Variants in COL21A1 observed in about 807,000 individuals in gnomAD.
COL21A1 encodes collagen type XXI alpha 1 chain.
Under a neutral mutation model 137.9 loss-of-function variants are expected in COL21A1, and 149 were observed. That is an observed-to-expected ratio of 1.08 (90% CI 0.95 to 1.24). The LOEUF (loss-of-function observed/expected upper bound fraction) is 1.24. Among genes scored for constraint, COL21A1 ranks in the 50% most tolerant of loss-of-function variants. COL21A1 has a pLI of 0.00. For missense variants in COL21A1, 1,167 were observed against 1,158.4 expected (o/e 1.01, Z -0.11); for synonymous variants, 456 against 391.5 (o/e 1.16, Z -1.95).
chr6:56,221,005 T>C (rs547752670), intron 1 of COL21A1, among the ~76,000 whole-genome samples: 1 of 152,266 alleles, frequency 6.6e-6, no homozygotes, highest in South Asian at 2.1e-4. Flanking sequence ...TGCCTCTTGT[T>C]AATTGATATT....
chr6:56,361,781 G>A (rs758356665), intron 1 of COL21A1, among the ~76,000 whole-genome samples: 8 of 151,552 alleles, frequency 5.3e-5, no homozygotes, highest in Non-Finnish European at 1.0e-4. Context: ...TGTGTGTGGT[G>A]TGTGTGTGTG....
At chr6:56,100,889 C>T (rs932814122) in intron 17 of COL21A1, among the ~76,000 whole-genome samples, 5 of 152,068 alleles carry the variant, frequency 3.3e-5, no homozygotes, top group Admixed American at 6.6e-5. Context: ...AACCTAGCTC[C>T]GCACAAGGCA....
At chr6:56,184,453 C>A (rs1778129257) in intron 1 of COL21A1, among the ~76,000 whole-genome samples, 1 of 151,692 alleles carries the variant, frequency 6.6e-6, no homozygotes, top group East Asian at 1.9e-4. Flanking sequence ...AAAAAATAAG[C>A]AGAGACACAT....
chr6:56,181,039 T>C (rs1170838119), intron 2 of COL21A1, among the ~76,000 whole-genome samples: 4 of 152,238 alleles, frequency 2.6e-5, no homozygotes, highest in African/African-American at 9.6e-5. Context: ...AAACCTTTCC[T>C]GACCTTCCAC....
At chr6:56,375,782 G>T (rs2093997984) in intron 1 of COL21A1, among the ~76,000 whole-genome samples, 1 of 152,150 alleles carries the variant, frequency 6.6e-6, no homozygotes, top group African/African-American at 2.4e-5. Flanking sequence ...GGTGGGTGTG[G>T]GGGAGAGCTC....
chr6:56,334,162 G>A (rs1385762188), intron 1 of COL21A1, among the ~76,000 whole-genome samples: 6 of 152,080 alleles, frequency 3.9e-5, no homozygotes, highest in Non-Finnish European at 7.4e-5. Context: ...TCTGTTATTT[G>A]TAAAATTCAT....
intron 1 of COL21A1, among the ~76,000 whole-genome samples, chr6:56,199,137 C>T (rs1779215947): frequency 6.6e-6 from 1 of 151,906 alleles, no homozygotes; most frequent in Admixed American, 6.6e-5. Flanking sequence ...TGCTTAAAGC[C>T]TGCTTGTGAT....
intron 1 of COL21A1, among the ~76,000 whole-genome samples, chr6:56,351,566 C>T (rs1027199417): frequency 7.2e-5 from 11 of 152,182 alleles, no homozygotes; most frequent in Non-Finnish European, 2.9e-5. Flanking sequence ...GCATGTGAAC[C>T]AACCCAAGTC....
At chr6:56,357,608 T>G (rs956744817) in intron 1 of COL21A1, among the ~76,000 whole-genome samples, 8 of 152,220 alleles carry the variant, frequency 5.3e-5, no homozygotes, top group African/African-American at 7.2e-5. Context: ...GCTTCAGGAT[T>G]GTGGAGATTG....
At chr6:56,277,872 G>A (rs1317604483) in intron 1 of COL21A1, among the ~76,000 whole-genome samples, 1 of 152,162 alleles carries the variant, frequency 6.6e-6, no homozygotes, top group Non-Finnish European at 1.5e-5. Flanking sequence ...TCTGACAAAG[G>A]AACAGTATTT....
chr6:56,300,287 G>A (rs1007112900), intron 1 of COL21A1, among the ~76,000 whole-genome samples: 1 of 152,026 alleles, frequency 6.6e-6, no homozygotes, highest in Non-Finnish European at 1.5e-5. Context: ...AGTGGAGAGT[G>A]GAATTAGATT....
intron 1 of COL21A1, among the ~76,000 whole-genome samples, chr6:56,183,098 A>G (rs1392063573): frequency 6.6e-6 from 1 of 152,218 alleles, no homozygotes; most frequent in African/African-American, 2.4e-5. Context: ...AATTTTTAAA[A>G]TAAGATGTAA....
intron 1 of COL21A1, among the ~76,000 whole-genome samples, chr6:56,307,109 C>T (rs927048432): frequency 2.6e-5 from 4 of 152,168 alleles, no homozygotes; most frequent in African/African-American, 7.2e-5. Context: ...AGTACCCGGC[C>T]GTGTGAGGTG....
At chr6:56,097,440 T>G (rs770228071) in intron 17 of COL21A1, among the ~76,000 whole-genome samples, 1 of 152,006 alleles carries the variant, frequency 6.6e-6, no homozygotes, top group East Asian at 1.9e-4. Flanking sequence ...TCTCCCCAAC[T>G]AGGCTGTAAG....
chr6:56,125,221 A>C (rs1305846313), intron 14 of COL21A1, among the ~76,000 whole-genome samples: 1 of 143,268 alleles, frequency 7.0e-6, no homozygotes, highest in Non-Finnish European at 1.5e-5. Context: ...GGGTTTTACC[A>C]TGTTGGCCAG....
chr6:56,170,936 G>C (rs760234972), intron 4 of COL21A1, 24 bp downstream of exon 4: 4 of 1,591,836 alleles, frequency 2.5e-6, no homozygotes, highest in Non-Finnish European at 3.4e-6. Context: ...CCCCAAAAAA[G>C]TTGTGTCAAC....
intron 1 of COL21A1, among the ~76,000 whole-genome samples, chr6:56,265,947 TA>T (rs1363687923): frequency 6.6e-6 from 1 of 152,182 alleles, no homozygotes; most frequent in Non-Finnish European, 1.5e-5. Flanking sequence ...CATTCGCAAC[TA>T]AAGTTTATTA....
At chr6:56,323,965 T>C (rs919095446) in intron 1 of COL21A1, among the ~76,000 whole-genome samples, 6 of 152,118 alleles carry the variant, frequency 3.9e-5, no homozygotes, top group Admixed American at 2.6e-4. Context: ...GGTCAGTGTG[T>C]TCTGGTATTT....
intron 22 of COL21A1, among the ~76,000 whole-genome samples, chr6:56,068,379 T>G (rs1554199410): frequency 6.6e-6 from 1 of 151,608 alleles, no homozygotes; most frequent in Non-Finnish European, 1.5e-5. Flanking sequence ...AGCATGGACT[T>G]CTCAGGCACA....
Sources: allele counts gnomAD v4.1 joint callset (sites outside exome capture counted in the v4.1 genomes callset), GRCh38; gene constraint gnomAD v4.1.1; transcripts MANE v1.5; gene names NCBI Gene and HGNC (gene_info 2026-07-23, HGNC 2026-07-21).